Variants in COMMD1 observed in about 807,000 individuals in gnomAD.
COMMD1 encodes copper metabolism domain containing 1, also known as COMM domain-containing protein 1.
COMMD1 carries 10 observed loss-of-function variants against 17.2 expected under a neutral mutation model. The observed-to-expected ratio is 0.58, with a 90% CI of 0.36 to 0.99. COMMD1 has a LOEUF of 0.99. Ranked by LOEUF, COMMD1 falls within the 50% of genes least tolerant of loss-of-function variation. The pLI is 0.01. For synonymous variants in COMMD1, 97 were observed against 91.6 expected, an observed-to-expected ratio of 1.06 and a Z score of -0.34; for missense variants, 270 against 231.8, an observed-to-expected ratio of 1.17 and a Z score of -1.07.
intron 1 of COMMD1, among the ~76,000 whole-genome samples, chr2:61,891,383 T>A (rs1271459583): frequency 6.6e-6 from 1 of 152,210 alleles, no homozygotes; most frequent in Non-Finnish European, 1.5e-5. Flanking sequence ...AACATCGGCT[T>A]TCATCAGAGT....
intron 1 of COMMD1, among the ~76,000 whole-genome samples, chr2:61,939,111 T>G (rs1370112423): frequency 6.6e-6 from 1 of 152,070 alleles, no homozygotes; most frequent in African/African-American, 2.4e-5. Flanking sequence ...CAAATTAAGT[T>G]TTAGGCTTAT....
intron 2 of COMMD1, among the ~76,000 whole-genome samples, chr2:62,011,309 A>C (rs1233436172): frequency 6.6e-6 from 1 of 152,216 alleles, no homozygotes; most frequent in East Asian, 1.9e-4. Context: ...CAGTACAGTC[A>C]AGAACCAGAA....
chr2:61,982,741 G>C (rs1290938858), intron 1 of COMMD1, among the ~76,000 whole-genome samples: 2 of 152,076 alleles, frequency 1.3e-5, no homozygotes, highest in African/African-American at 4.8e-5. Flanking sequence ...ATCATGAAGG[G>C]ATGTTGAATT....
At chr2:62,095,570 G>C (rs1671977286) in intron 2 of COMMD1, among the ~76,000 whole-genome samples, 1 of 151,886 alleles carries the variant, frequency 6.6e-6, no homozygotes, top group African/African-American at 2.4e-5. Context: ...TATTTTGGCT[G>C]TATGTCATCA....
At chr2:61,932,325 A>G (rs995051474) in intron 1 of COMMD1, among the ~76,000 whole-genome samples, 6 of 152,248 alleles carry the variant, frequency 3.9e-5, no homozygotes, top group African/African-American at 1.4e-4. Context: ...TGAATTGCCA[A>G]GAGATTCAGA....
intron 2 of COMMD1, among the ~76,000 whole-genome samples, chr2:62,029,386 T>C (rs1257023852): frequency 6.6e-6 from 1 of 152,056 alleles, no homozygotes; most frequent in Non-Finnish European, 1.5e-5. Flanking sequence ...TAAAATTTTT[T>C]ATTATGGAAA....
Position 62,135,987 on chromosome 2 carries a change from T to C in COMMD1, c.*46T>C, listed in dbSNP as rs1428012625. ...GGAGTTGTTGAAACCAAGGTGTCCATGATCCCTCCCCACTGACCTTTTCTA... is the reference window on the plus strand; with the variant it reads ...GGAGTTGTTGAAACCAAGGTGTCCACGATCCCTCCCCACTGACCTTTTCTA... On this transcript the variant is annotated 3_prime_UTR_variant, in exon 3 of 3. Transcript: ENST00000311832. 2 of 968,984 alleles carry C rather than the reference T, an allele frequency of 2.1e-6. No homozygotes were observed. Among genetic ancestry groups the C allele is most frequent in the African/African-American group, 3.2e-5 (2 of 62,722 alleles). 60.0% of individuals were successfully genotyped at this position (968,984 alleles called of 1,614,324 possible).
chr2:62,046,426 C>A (rs996027228), intron 2 of COMMD1, among the ~76,000 whole-genome samples: 1 of 152,162 alleles, frequency 6.6e-6, no homozygotes, highest in Non-Finnish European at 1.5e-5. Context: ...ACTAGTCAAA[C>A]AAAAGAGTTC....
At chr2:61,902,243 C>G (rs1383647508), upstream of COMMD1, among the ~76,000 whole-genome samples, 1 of 151,846 alleles carries the variant, frequency 6.6e-6, no homozygotes, top group South Asian at 2.1e-4. Flanking sequence ...CACGGTGGCT[C>G]ACGCCTGTAA....
intron 1 of COMMD1, among the ~76,000 whole-genome samples, chr2:61,993,021 A>G (rs1172357905): frequency 6.6e-6 from 1 of 150,954 alleles, no homozygotes; most frequent in East Asian, 1.9e-4. Context: ...ACTGCTAACT[A>G]TATTATGTAC....
intron 1 of COMMD1, among the ~76,000 whole-genome samples, chr2:61,972,400 A>C (rs1671673931): frequency 6.6e-6 from 1 of 152,216 alleles, no homozygotes; most frequent in Non-Finnish European, 1.5e-5. Context: ...TTATGTAGAT[A>C]CTTTGCCTCC....
chr2:62,017,461 A>T (rs1669483460), intron 2 of COMMD1, among the ~76,000 whole-genome samples: 3 of 152,134 alleles, frequency 2.0e-5, no homozygotes, highest in Admixed American at 6.5e-5. Flanking sequence ...TGAGCCCAGG[A>T]GTTCAAGACC....
chr2:61,974,723 A>G (rs1482058404), intron 1 of COMMD1, among the ~76,000 whole-genome samples: 1 of 151,936 alleles, frequency 6.6e-6, no homozygotes, highest in Non-Finnish European at 1.5e-5. Flanking sequence ...TTTTAGAGCA[A>G]TTTTAGGTTT....
At chr2:62,088,304 C>T (rs10179907) in intron 2 of COMMD1, among the ~76,000 whole-genome samples, 4,511 of 152,272 alleles carry the variant, frequency 0.03, 117 homozygotes, top group East Asian at 0.082. Flanking sequence ...TGAGCTGCTT[C>T]CAGATTCATG....
intron 2 of COMMD1, among the ~76,000 whole-genome samples, chr2:62,023,256 C>G (rs1048391022): frequency 2.0e-5 from 3 of 149,804 alleles, no homozygotes; most frequent in African/African-American, 7.3e-5. Flanking sequence ...AGAATGCAAA[C>G]ACAAAATTTA....
chr2:62,133,287 C>A (rs528640701), intron 2 of COMMD1, among the ~76,000 whole-genome samples: 1 of 152,270 alleles, frequency 6.6e-6, no homozygotes, highest in South Asian at 2.1e-4. Flanking sequence ...ACAGCAAAAC[C>A]AACTCCTGAA....
Position 61,998,903 on chromosome 2 carries a change from AGTTT to A in COMMD1, c.181-1797_181-1794del, listed in dbSNP as rs1381155381. On this transcript the variant is annotated intron_variant, in intron 1 of 2. Coordinates refer to ENST00000311832, the MANE Select transcript of COMMD1 (RefSeq NM_152516.4). Reference sequence around the variant, plus strand: ...AACACAAGACATTTATCAATTAGTTAGTTTATCTGTCTTCTATGGGCATGTTTCA... The same window carrying A: ...AACACAAGACATTTATCAATTAGTTAATCTGTCTTCTATGGGCATGTTTCA... Among the ~76,000 whole-genome samples the A allele has an allele frequency of 3.3e-5, 5 of 152,206 alleles. No individual in the cohort carries two copies. The East Asian group carries it at 9.6e-4, about 29-fold the overall frequency.
chr2:62,081,960 A>G (rs1234544509), intron 2 of COMMD1, among the ~76,000 whole-genome samples: 1 of 152,154 alleles, frequency 6.6e-6, no homozygotes, highest in African/African-American at 2.4e-5. Context: ...TTTGTAACCT[A>G]CTAGGAATTT....
rs534819386 is a variant in COMMD1 at position 62,008,720 on chromosome 2, T to C, written c.462+7738T>C. Reference sequence around the variant, plus strand: ...TTCAACTATCATTTGTCAGTAGGGATTGATAAAATTTAACAGCTTGAAGAT... The same window carrying C: ...TTCAACTATCATTTGTCAGTAGGGACTGATAAAATTTAACAGCTTGAAGAT... On this transcript the variant is annotated intron_variant, in intron 2 of 2. Coordinates refer to ENST00000311832, the MANE Select transcript of COMMD1 (RefSeq NM_152516.4). 3.9e-5 allele frequency among the ~76,000 whole-genome samples: 6 copies of C among 152,348 alleles called. No homozygotes were observed. In the South Asian group the frequency reaches 6.2e-4, roughly 16 times the overall value.
Sources: allele counts gnomAD v4.1 joint callset (sites outside exome capture counted in the v4.1 genomes callset), GRCh38; gene constraint gnomAD v4.1.1; transcripts MANE v1.5; gene names NCBI Gene and HGNC (gene_info 2026-07-23, HGNC 2026-07-21).